Variants in SH3GL2 observed in about 807,000 individuals in gnomAD.
The protein encoded by SH3GL2 is SH3 domain containing GRB2 like 2, endophilin A1, also known as endophilin-A1.
In SH3GL2, 24 loss-of-function variants were observed where a neutral mutation model predicts 46.0. The ratio of observed to expected loss-of-function variants is 0.52; its 90% CI spans 0.38 to 0.73. The LOEUF (loss-of-function observed/expected upper bound fraction) is 0.73, where lower values mean the gene tolerates loss of function less well. Among genes scored for constraint, SH3GL2 ranks in the 30% least tolerant of loss-of-function variants. The probability of loss-of-function intolerance (pLI) is 0.00; values close to 1 mark genes in which losing one functional copy is unlikely to be tolerated. For missense variants in SH3GL2, 413 were observed against 424.2 expected, an observed-to-expected ratio of 0.97 and a Z score of 0.23; for synonymous variants, 196 against 147.1, an observed-to-expected ratio of 1.33 and a Z score of -2.40.
intron 1 of SH3GL2, among the ~76,000 whole-genome samples, chr9:17,722,607 T>C (rs1821923413): frequency 6.6e-6 from 1 of 152,098 alleles, no homozygotes; most frequent in Admixed American, 6.6e-5. Context: ...TCCTGTGCCA[T>C]GCTGGTGTGC....
At chr9:17,606,249 C>T (rs891245200) in intron 1 of SH3GL2, among the ~76,000 whole-genome samples, 3 of 152,220 alleles carry the variant, frequency 2.0e-5, no homozygotes, top group Middle Eastern at 3.4e-3. Context: ...CCCACCACCA[C>T]ACCCAGCTAA....
Position 17,697,513 on chromosome 9 carries a change from T to C in SH3GL2, c.46-49553T>C, listed in dbSNP as rs551229143. ...CTGGTATTACAGGTGTGAGCCACCG[T>C]GCCTGGCCTCAAATGCATTTCTATA... On this transcript the variant is annotated intron_variant, in intron 1 of 8. Transcript: ENST00000380607. 1.3e-4 allele frequency among the ~76,000 whole-genome samples: 20 copies of C among 152,204 alleles called. No individual in the cohort carries two copies. In the South Asian group the frequency reaches 3.9e-3, roughly 30 times the overall value.
In SH3GL2 at chr9:17,597,516, C is replaced by CAA. The variant is rs35443283; in HGVS notation, c.45+18242_45+18243dup. On this transcript the variant is annotated intron_variant, in intron 1 of 8. Coordinates refer to ENST00000380607, the MANE Select transcript of SH3GL2 (RefSeq NM_003026.5). ...TGGGCGACAGAGTGATACTCAGTCT[C>CAA]AAAAAAAAAAAAAATTACTATATAA... 1.7e-3 allele frequency among the ~76,000 whole-genome samples: 218 copies of CAA among 128,976 alleles called. 3 individuals carry two copies. The highest frequency in any genetic ancestry group is 5.7e-3 in the African/African-American group (203 of 35,646). The allele number at this position is 128,976 out of a possible 152,430, so 84.6% of individuals were successfully genotyped here. A position where few individuals can be genotyped will look rare whatever the true frequency, so the allele number is the denominator to read the frequency against.
At chr9:17,767,999 A>T (rs1268524370) in intron 3 of SH3GL2, among the ~76,000 whole-genome samples, 1 of 152,192 alleles carries the variant, frequency 6.6e-6, no homozygotes, top group African/African-American at 2.4e-5. Context: ...CTTTTAAGTC[A>T]GCTAGAACTG....
intron 5 of SH3GL2, 93 bp downstream of exon 5, chr9:17,787,606 T>C: frequency 1.9e-6 from 2 of 1,030,326 alleles, no homozygotes; most frequent in Non-Finnish European, 2.9e-6. Context: ...TAGCTTACCC[T>C]GTGTGTTGTC....
At chr9:17,722,305 G>A (rs1821915406) in intron 1 of SH3GL2, among the ~76,000 whole-genome samples, 6 of 152,064 alleles carry the variant, frequency 3.9e-5, no homozygotes, top group Admixed American at 3.9e-4. Context: ...CAAAATGTCA[G>A]TTGTCTGTAT....
chr9:17,794,193 G>A (rs554277955), intron 8 of SH3GL2, among the ~76,000 whole-genome samples: 2 of 152,216 alleles, frequency 1.3e-5, no homozygotes, highest in East Asian at 1.9e-4. Context: ...ACTCCTACAC[G>A]CAGATTACAC....
intron 1 of SH3GL2, among the ~76,000 whole-genome samples, chr9:17,682,985 A>G (rs1331886044): frequency 6.6e-6 from 1 of 152,134 alleles, no homozygotes; most frequent in Non-Finnish European, 1.5e-5. Flanking sequence ...TAAAAAATCC[A>G]GATAGTATAC....
chr9:17,719,928 A>G (rs888260862), intron 1 of SH3GL2, among the ~76,000 whole-genome samples: 5 of 151,458 alleles, frequency 3.3e-5, no homozygotes, highest in Non-Finnish European at 5.9e-5. Context: ...ATTATATATT[A>G]TTTTTGATAA....
At chr9:17,610,887 C>T (rs1045518868) in intron 1 of SH3GL2, among the ~76,000 whole-genome samples, 1 of 151,988 alleles carries the variant, frequency 6.6e-6, no homozygotes, top group Non-Finnish European at 1.5e-5. Context: ...TTAGTAATCT[C>T]GTTTTTAAGG....
At chr9:17,780,401 T>C (rs989215524) in intron 3 of SH3GL2, among the ~76,000 whole-genome samples, 1 of 152,184 alleles carries the variant, frequency 6.6e-6, no homozygotes, top group Admixed American at 6.5e-5. Context: ...TAGCACAGTT[T>C]ACTTGTCCAT....
Position 17,692,781 on chromosome 9 carries a change from A to G in SH3GL2, c.46-54285A>G, listed in dbSNP as rs182152434. On this transcript the variant is annotated intron_variant, in intron 1 of 8. Transcript: ENST00000380607. ...GATAAAGACATGCTTGAAACTAGGA[A>G]CAAAGAGAGGTTTAATTGGACTTAC... 1.5e-3 allele frequency among the ~76,000 whole-genome samples: 222 copies of G among 152,290 alleles called. 1 individual carries two copies. The highest frequency in any genetic ancestry group is 5.1e-3 in the African/African-American group (212 of 41,574).
chr9:17,775,151 G>C (rs1223160306), intron 3 of SH3GL2, among the ~76,000 whole-genome samples: 1 of 151,938 alleles, frequency 6.6e-6, no homozygotes, highest in Non-Finnish European at 1.5e-5. Context: ...TCTGATTTTA[G>C]TAATTTGTGT....
intron 1 of SH3GL2, among the ~76,000 whole-genome samples, chr9:17,681,857 A>G (rs1013497957): frequency 9.2e-5 from 14 of 152,220 alleles, no homozygotes; most frequent in African/African-American, 2.9e-4. Flanking sequence ...CAAATTTACA[A>G]GAAAAAACCC....
At chr9:17,697,700 C>T (rs1821243098) in intron 1 of SH3GL2, among the ~76,000 whole-genome samples, 1 of 152,148 alleles carries the variant, frequency 6.6e-6, no homozygotes, top group Admixed American at 6.5e-5. Flanking sequence ...CATATCATTG[C>T]CCCCCGAATA....
chr9:17,734,250 A>C (rs1439332479), intron 1 of SH3GL2, among the ~76,000 whole-genome samples: 1 of 152,116 alleles, frequency 6.6e-6, no homozygotes, highest in Non-Finnish European at 1.5e-5. Flanking sequence ...TCATTCAGCC[A>C]CATGTTTGTC....
intron 1 of SH3GL2, among the ~76,000 whole-genome samples, chr9:17,693,956 C>T (rs987467804): frequency 2.0e-5 from 3 of 152,108 alleles, no homozygotes; most frequent in African/African-American, 7.2e-5. Context: ...TATTAATGAT[C>T]TGAATTTATG....
chr9:17,619,311 A>G (rs900764659), intron 1 of SH3GL2, among the ~76,000 whole-genome samples: 1 of 152,172 alleles, frequency 6.6e-6, no homozygotes, highest in Non-Finnish European at 1.5e-5. Flanking sequence ...ACTCAACTAT[A>G]TTTGAGAATT....
intron 1 of SH3GL2, among the ~76,000 whole-genome samples, chr9:17,673,625 A>AG (rs1370642197): frequency 3.9e-5 from 6 of 152,170 alleles, no homozygotes; most frequent in African/African-American, 1.4e-4. Context: ...TTGACCTACT[A>AG]GCCAGCCATG....
Sources: allele counts gnomAD v4.1 joint callset (sites outside exome capture counted in the v4.1 genomes callset), GRCh38; gene constraint gnomAD v4.1.1; transcripts MANE v1.5; gene names NCBI Gene and HGNC (gene_info 2026-07-23, HGNC 2026-07-21).